The following PTPRD variants were observed in gnomAD, a reference collection of about 807,000 sequenced individuals.
PTPRD encodes the protein protein tyrosine phosphatase receptor type D.
In PTPRD, 34 loss-of-function variants were observed where a neutral mutation model predicts 214.5. The ratio of observed to expected loss-of-function variants is 0.16; its 90% CI spans 0.12 to 0.21. The LOEUF is 0.21. Ranked by LOEUF, PTPRD falls within the 10% of genes least tolerant of loss-of-function variation. PTPRD has a pLI of 1.00. For synonymous variants in PTPRD, 1,128 were observed against 845.7 expected, an observed-to-expected ratio of 1.33 and a Z score of -5.79; for missense variants, 2,545 against 2,398.7, an observed-to-expected ratio of 1.06 and a Z score of -1.27.
chr9:9,153,603 T>C (rs1009015510), intron 10 of PTPRD, among the ~76,000 whole-genome samples: 1 of 152,244 alleles, frequency 6.6e-6, no homozygotes, highest in Non-Finnish European at 1.5e-5. Context: ...TAAACAGTGA[T>C]ATTAACTATA....
At chr9:10,013,770 C>T (rs1260187199) in intron 4 of PTPRD, among the ~76,000 whole-genome samples, 1 of 151,866 alleles carries the variant, frequency 6.6e-6, no homozygotes, top group African/African-American at 2.4e-5. Context: ...ATATATTCAA[C>T]TTTTATGTTT....
At chr9:10,018,203 G>C (rs5012013) in intron 4 of PTPRD, among the ~76,000 whole-genome samples, 25,677 of 148,454 alleles carry the variant, frequency 0.17, 2,693 homozygotes, top group South Asian at 0.29. Flanking sequence ...GAGAGAGAGA[G>C]AAGGAGTAGG....
chr9:9,277,252 T>C lies in PTPRD; in HGVS notation c.-202-93889A>G, dbSNP rs189539274. On this transcript the variant is annotated intron_variant, in intron 9 of 45. Coordinates refer to ENST00000381196, the MANE Select transcript of PTPRD (RefSeq NM_002839.4). ...ATTCCCTATGTTTTTGAATATTCTT[T>C]CTCTACCAGTTCATTCAGTATGGTT... is the stretch of plus-strand genomic sequence containing the variant. Among the ~76,000 whole-genome samples the C allele has an allele frequency of 4.5e-4, 68 of 151,540 alleles. 1 individual carries two copies. The highest frequency in any genetic ancestry group is 1.6e-3 in the African/African-American group (65 of 41,468).
chr9:8,339,217 C>T (rs1444308519), intron 42 of PTPRD, among the ~76,000 whole-genome samples, 170 bp from the exon 43 acceptor site: 2 of 152,118 alleles, frequency 1.3e-5, no homozygotes, highest in African/African-American at 2.4e-5. Context: ...ACCATGAGCT[C>T]CCTTCATAGG....
intron 9 of PTPRD, among the ~76,000 whole-genome samples, chr9:9,282,956 G>C (rs1400587610): frequency 6.6e-6 from 1 of 151,306 alleles, no homozygotes. Context: ...CCAAATCTAG[G>C]TATGAAGAAA....
At chr9:9,744,622 C>T (rs972358132) in intron 6 of PTPRD, among the ~76,000 whole-genome samples, 1 of 151,930 alleles carries the variant, frequency 6.6e-6, no homozygotes, top group Non-Finnish European at 1.5e-5. Context: ...AAAAATGCTA[C>T]TGTCACAAAT....
At chr9:8,784,817 C>T (rs1407544474) in intron 11 of PTPRD, among the ~76,000 whole-genome samples, 8 of 152,154 alleles carry the variant, frequency 5.3e-5, no homozygotes, top group African/African-American at 1.4e-4. Context: ...AGCAGAAACA[C>T]GCGTTTTTCT....
chr9:8,357,205 C>T (rs1445648780), intron 39 of PTPRD, among the ~76,000 whole-genome samples: 2 of 152,176 alleles, frequency 1.3e-5, no homozygotes, highest in Admixed American at 1.3e-4. Context: ...GGGGACACAC[C>T]AACTCTTTTC....
chr9:9,655,158 G>T (rs906770169), intron 7 of PTPRD, among the ~76,000 whole-genome samples: 1 of 151,942 alleles, frequency 6.6e-6, no homozygotes, highest in Non-Finnish European at 1.5e-5. Context: ...ATGATTAAGA[G>T]AATAAGACAA....
At chr9:9,854,262 C>T (rs552461986) in intron 5 of PTPRD, among the ~76,000 whole-genome samples, 1 of 152,212 alleles carries the variant, frequency 6.6e-6, no homozygotes, top group African/African-American at 2.4e-5. Flanking sequence ...ACCTATATGG[C>T]ACAAGTTAAG....
chr9:9,838,453 T>C (rs1262770857), intron 5 of PTPRD, among the ~76,000 whole-genome samples: 4 of 152,144 alleles, frequency 2.6e-5, no homozygotes, highest in Admixed American at 2.6e-4. Flanking sequence ...TTTTTAATGA[T>C]TGCCATTCTA....
chr9:9,958,504 C>T (rs774921785), intron 4 of PTPRD, among the ~76,000 whole-genome samples: 26 of 152,166 alleles, frequency 1.7e-4, no homozygotes, highest in African/African-American at 6.0e-4. Flanking sequence ...GCACTCCAGC[C>T]TGGGTGACAA....
At chr9:10,588,954 G>T (rs1366236761) in intron 2 of PTPRD, among the ~76,000 whole-genome samples, 2 of 151,940 alleles carry the variant, frequency 1.3e-5, no homozygotes, top group East Asian at 1.9e-4. Context: ...AGCCTCATCT[G>T]GGGAAGATAA....
chr9:8,432,132 T>C (rs1444510161), intron 35 of PTPRD, among the ~76,000 whole-genome samples: 2 of 152,364 alleles, frequency 1.3e-5, no homozygotes, highest in African/African-American at 4.8e-5. Context: ...ATTACTCTGA[T>C]TTAAAGATTC....
chr9:10,126,732 G>A (rs910962061), intron 3 of PTPRD, among the ~76,000 whole-genome samples: 1 of 152,102 alleles, frequency 6.6e-6, no homozygotes, highest in South Asian at 2.1e-4. Flanking sequence ...TGCTGACAGG[G>A]ATGGGTATTG....
At chr9:8,985,949 T>G (rs1473431501) in intron 11 of PTPRD, among the ~76,000 whole-genome samples, 2 of 152,142 alleles carry the variant, frequency 1.3e-5, no homozygotes, top group Non-Finnish European at 2.9e-5. Flanking sequence ...TTTTGCTCTA[T>G]CATTTCCATT....
At chr9:8,482,932 G>T (rs1469815722) in intron 30 of PTPRD, among the ~76,000 whole-genome samples, 2 of 152,186 alleles carry the variant, frequency 1.3e-5, no homozygotes, top group African/African-American at 4.8e-5. Flanking sequence ...GACCCATTCT[G>T]AATTAGCTGC....
At chr9:9,083,846 C>A (rs2099762782) in intron 10 of PTPRD, among the ~76,000 whole-genome samples, 1 of 152,124 alleles carries the variant, frequency 6.6e-6, no homozygotes, top group South Asian at 2.1e-4. Flanking sequence ...ATCAAAACCA[C>A]AACAAGACAC....
intron 10 of PTPRD, among the ~76,000 whole-genome samples, chr9:9,134,525 C>G (rs1397808933): frequency 6.6e-6 from 1 of 152,138 alleles, no homozygotes; most frequent in African/African-American, 2.4e-5. Context: ...CTCACCTAGC[C>G]AAATTGATAG....
Sources: gnomAD v4.1 joint callset for allele counts (sites outside exome capture counted in the v4.1 genomes callset) on GRCh38, gnomAD v4.1.1 for gene constraint, MANE v1.5 for transcripts, NCBI Gene and HGNC (gene_info 2026-07-23, HGNC 2026-07-21) for gene names.